Variants in ZSCAN16 observed in about 807,000 individuals in gnomAD.
ZSCAN16 encodes zinc finger and SCAN domain-containing protein 16.
Under a neutral mutation model 19.4 loss-of-function variants are expected in ZSCAN16, and 15 were observed. The observed-to-expected ratio is 0.77, with a 90% CI of 0.52 to 1.19. ZSCAN16 has a LOEUF of 1.19. ZSCAN16 is among the 50% of genes most tolerant of loss of function. The pLI, the probability that ZSCAN16 is intolerant of heterozygous loss-of-function variation, is 0.00. For missense variants in ZSCAN16, 327 were observed against 415.7 expected (o/e 0.79, Z 1.86); for synonymous variants, 138 against 146.5 (o/e 0.94, Z 0.42).
At chr6:28,128,110 G>A (rs960029167) in intron 3 of ZSCAN16, among the ~76,000 whole-genome samples, 4 of 152,076 alleles carry the variant, frequency 2.6e-5, no homozygotes, top group Admixed American at 1.3e-4. Context: ...TAGAAGTGAC[G>A]TTAAGAACCT....
At chr6:28,129,297 T>G in intron 3 of ZSCAN16, 133 bp from the exon 4 acceptor site, 1 of 1,108,908 alleles carries the variant, frequency 9.0e-7, no homozygotes. Flanking sequence ...ACCAAATATT[T>G]GATATGTGTG....
intron 3 of ZSCAN16, among the ~76,000 whole-genome samples, chr6:28,128,018 G>A (rs1764953336): frequency 6.6e-6 from 1 of 152,172 alleles, no homozygotes; most frequent in Non-Finnish European, 1.5e-5. Flanking sequence ...ATCTGGAAAG[G>A]ATGACATTTA....
rs1473700970 is a variant in ZSCAN16, at chr6:28,129,635, T to C, written c.732T>C (p.Ser244=). The change falls in exon 4 of 4, where the codon AGT becomes AGC. Residue 244 remains serine, a synonymous_variant. Coordinates refer to ENST00000340487, the MANE Select transcript of ZSCAN16 (RefSeq NM_025231.3). ...RRYKCDECGK[S]FSHSSDLSKH... ...ATAAATGTGATGAATGTGGGAAAAG[T>C]TTCAGTCATAGCTCAGACCTTAGTA... The C allele has an allele frequency of 2.5e-6, 4 of 1,613,928 alleles. No individual in the cohort carries two copies. Among genetic ancestry groups the C allele is most frequent in the African/African-American group, 2.7e-5 (2 of 74,878 alleles).
rs760023593 is a variant in ZSCAN16 at position 28,126,786 on chromosome 6, C to G, written c.391C>G (p.Pro131Ala). 2.0e-6 allele frequency: 3 copies of G among 1,471,224 alleles called. No individual in the cohort carries two copies. The South Asian group carries it at 4.3e-5, about 21-fold the overall frequency. The allele number at this position is 1,471,224 out of a possible 1,614,324, so 91.1% of individuals were successfully genotyped here. The change falls in exon 3 of 4, where the codon CCA (proline) becomes GCA (alanine). Residue 131 changes from proline (P) to alanine (A), a missense_variant. By Grantham distance (27) the Pro-to-Ala change is conservative (BLOSUM62 -1). Transcript: ENST00000340487. ...RELDEPGKQVPGNSERRDILM... is the reference protein window; with the variant it reads ...RELDEPGKQVAGNSERRDILM... ...TTACACACCTCATTTTCCCTAGGTC[C>G]CAGGCAATTCAGAAAGACGGGACAT...
chr6:28,130,000 T>C lies in ZSCAN16; in HGVS notation c.*50T>C. 3 of 1,416,462 alleles carry C rather than the reference T, an allele frequency of 2.1e-6. No homozygotes were observed. Among genetic ancestry groups the C allele is most frequent in the Non-Finnish European group, 2.9e-6 (3 of 1,050,808 alleles). The allele number at this position is 1,416,462 out of a possible 1,614,324, so 87.7% of individuals were successfully genotyped here. A position where few individuals can be genotyped will look rare whatever the true frequency, so the allele number is the denominator to read the frequency against. On this transcript the variant is annotated 3_prime_UTR_variant, in exon 4 of 4. Transcript: ENST00000340487. ...TTGGACACTCAGGCCTAACTAGTTA[T>C]CAAAGAATCTATTTTAGAAACCTTG...
Position 28,125,276 on chromosome 6 carries a change from C to G in ZSCAN16, c.-31-137C>G, listed in dbSNP as rs1764862752. ...CTATAAGACTGTTTTCTCTGATTGA[C>G]TTCTGGTGGCTTGGCTTCATTATGA... On this transcript the variant is annotated intron_variant, in intron 1 of 3. Coordinates refer to ENST00000340487, the MANE Select transcript of ZSCAN16 (RefSeq NM_025231.3). This position sits in a 1 kb window ranked among gnomAD's most constrained non-coding sequence, Gnocchi z 6.2. The G allele has an allele frequency of 1.0e-6, 1 of 959,694 alleles. No individual in the cohort carries two copies. The highest frequency in any genetic ancestry group is 3.2e-5 in the Admixed American group (1 of 31,646). 59.4% of individuals were successfully genotyped at this position (959,694 alleles called of 1,614,324 possible). A position where few individuals can be genotyped will look rare whatever the true frequency, so the allele number is the denominator to read the frequency against.
chr6:28,125,289 G>T lies in ZSCAN16; in HGVS notation c.-31-124G>T. 1 of 1,115,688 alleles carries T rather than the reference G, an allele frequency of 9.0e-7. No individual in the cohort carries two copies. Among genetic ancestry groups the T allele is most frequent in the Non-Finnish European group, 1.2e-6 (1 of 815,894 alleles). 69.1% of individuals were successfully genotyped at this position (1,115,688 alleles called of 1,614,324 possible). A position where few individuals can be genotyped will look rare whatever the true frequency, so the allele number is the denominator to read the frequency against. ...TTCTCTGATTGACTTCTGGTGGCTT[G>T]GCTTCATTATGATGTGTTTATGTTC... is the stretch of plus-strand genomic sequence containing the variant. On this transcript the variant is annotated intron_variant, in intron 1 of 3. Transcript: ENST00000340487. This position sits in a 1 kb window ranked among gnomAD's most constrained non-coding sequence, Gnocchi z 6.2.
rs1764860509 is a variant in ZSCAN16 at position 28,125,212 on chromosome 6, T to TG, written c.-31-200dup. Among the ~76,000 whole-genome samples, 1 of 144,864 alleles carries TG rather than the reference T, an allele frequency of 6.9e-6. No homozygotes were observed. Among genetic ancestry groups the TG allele is most frequent in the African/African-American group, 2.8e-5 (1 of 36,130 alleles). The stretch of plus-strand genomic sequence containing the variant: ...GATTCAAATCATATCCCTGCGTCAC[T>TG]GTTTTTTGTTTTGTTTTGTTTTGTT... On this transcript the variant is annotated intron_variant, in intron 1 of 3. Transcript: ENST00000340487. The surrounding 1 kb of genome is among the most constrained non-coding windows in gnomAD (Gnocchi z 6.2).
At chr6:28,127,969 T>C (rs905674953) in intron 3 of ZSCAN16, among the ~76,000 whole-genome samples, 1 of 152,174 alleles carries the variant, frequency 6.6e-6, no homozygotes, top group African/African-American at 2.4e-5. Flanking sequence ...ATTTGTCTAA[T>C]CTGAAAAATT....
chr6:28,129,794 T>C lies in ZSCAN16; in HGVS notation c.891T>C (p.Cys297=). 1 of 1,614,114 alleles carries C rather than the reference T, an allele frequency of 6.2e-7. No individual in the cohort carries two copies. Among genetic ancestry groups the C allele is most frequent in the Non-Finnish European group, 8.5e-7 (1 of 1,180,006 alleles). The change falls in exon 4 of 4, where the codon TGT becomes TGC. Residue 297 remains cysteine (C), a synonymous_variant. Coordinates refer to ENST00000340487, the MANE Select transcript of ZSCAN16 (RefSeq NM_025231.3). Reference sequence around the variant, plus strand: ...TAAAACCCTATAAATGTAAAGAATGTGGGAAAGACTTCAGTGGGCGCACAG... The same window carrying C: ...TAAAACCCTATAAATGTAAAGAATGCGGGAAAGACTTCAGTGGGCGCACAG... The part of the protein sequence containing the change: ...TGVKPYKCKE[C]GKDFSGRTGL...
Position 28,129,667 on chromosome 6 carries a change from G to A in ZSCAN16, c.764G>A (p.Arg255Lys). The change falls in exon 4 of 4, where the codon AGG becomes AAG. Residue 255 changes from arginine (R) to lysine (K), a missense_variant. By Grantham distance (26) the Arg-to-Lys change is conservative. Coordinates refer to ENST00000340487, the MANE Select transcript of ZSCAN16 (RefSeq NM_025231.3). ...FSHSSDLSKH[R>K]RTHTGEKPYK... ...CATAGCTCAGACCTTAGTAAACACA[G>A]GAGAACTCACACGGGAGAGAAGCCC... is the stretch of plus-strand genomic sequence containing the variant. 1 of 1,614,172 alleles carries A rather than the reference G, an allele frequency of 6.2e-7. No individual in the cohort carries two copies. Among genetic ancestry groups the A allele is most frequent in the Non-Finnish European group, 8.5e-7 (1 of 1,180,014 alleles).
intron 3 of ZSCAN16, among the ~76,000 whole-genome samples, chr6:28,127,536 C>T (rs531499582): frequency 1.3e-5 from 2 of 152,234 alleles, no homozygotes; most frequent in East Asian, 1.9e-4. Flanking sequence ...AAAGCCCTAT[C>T]GTCATATACA....
Position 28,129,490 on chromosome 6 carries a change from A to G in ZSCAN16, c.587A>G (p.Lys196Arg), listed in dbSNP as rs1393950733. 1.2e-6 allele frequency: 2 copies of G among 1,613,720 alleles called. No individual in the cohort carries two copies. Among genetic ancestry groups the G allele is most frequent in the Non-Finnish European group, 1.7e-6 (2 of 1,179,702 alleles). ...LFQKEDMPKD[K>R]EFLGEINDRL... ...CAGAAGGAAGATATGCCCAAAGACA[A>G]GGAATTCCTTGGGGAGATAAATGAC... Residue 196 changes from lysine to arginine, a missense_variant, in exon 4 of 4, where the codon AAG becomes AGG. By Grantham distance (26) the Lys-to-Arg change is conservative (BLOSUM62 2). Transcript: ENST00000340487.
chr6:28,125,385 T>A lies in ZSCAN16; in HGVS notation c.-31-28T>A, dbSNP rs1764866884. 2 of 1,552,092 alleles carry A rather than the reference T, an allele frequency of 1.3e-6. No homozygotes were observed. Among genetic ancestry groups the A allele is most frequent in the Non-Finnish European group, 8.7e-7 (1 of 1,153,274 alleles). Reference sequence around the variant, plus strand: ...TAGGAGTGTCTCTGAGGCAGGATTCTAAGAGATTCTCTTTGACTCAATCCC... The same window carrying A: ...TAGGAGTGTCTCTGAGGCAGGATTCAAAGAGATTCTCTTTGACTCAATCCC... On this transcript the variant is annotated intron_variant, in intron 1 of 3. Transcript: ENST00000340487. The surrounding 1 kb of genome is among the most constrained non-coding windows in gnomAD (Gnocchi z 6.2).
chr6:28,128,822 A>G (rs1764974402), intron 3 of ZSCAN16, among the ~76,000 whole-genome samples: 1 of 152,082 alleles, frequency 6.6e-6, no homozygotes, highest in Non-Finnish European at 1.5e-5. Flanking sequence ...CTGACTATCC[A>G]TTGTCATTTC....
intron 3 of ZSCAN16, among the ~76,000 whole-genome samples, chr6:28,128,299 T>C (rs927230566): frequency 5.3e-5 from 8 of 152,142 alleles, no homozygotes; most frequent in African/African-American, 1.7e-4. Context: ...TTTTGATTCA[T>C]TCATCTTTCA....
At chr6:28,127,416 C>G (rs1764936787) in intron 3 of ZSCAN16, among the ~76,000 whole-genome samples, 1 of 152,182 alleles carries the variant, frequency 6.6e-6, no homozygotes, top group African/African-American at 2.4e-5. Flanking sequence ...CTTCACATGG[C>G]CTTTCTCTGT....
At chr6:28,129,131 T>C (rs1216231949) in intron 3 of ZSCAN16, among the ~76,000 whole-genome samples, 1 of 152,234 alleles carries the variant, frequency 6.6e-6, no homozygotes, top group Admixed American at 6.5e-5. Flanking sequence ...CGTCTTCCCT[T>C]ACATAGTATT....
Position 28,129,999 on chromosome 6 carries a change from A to G in ZSCAN16, c.*49A>G. ...TTTGGACACTCAGGCCTAACTAGTTATCAAAGAATCTATTTTAGAAACCTT... is the reference window on the plus strand; with the variant it reads ...TTTGGACACTCAGGCCTAACTAGTTGTCAAAGAATCTATTTTAGAAACCTT... On this transcript the variant is annotated 3_prime_UTR_variant, in exon 4 of 4. Transcript: ENST00000340487. 7.1e-7 allele frequency: 1 copy of G among 1,416,604 alleles called. No homozygotes were observed. The highest frequency in any genetic ancestry group is 9.5e-7 in the Non-Finnish European group (1 of 1,050,772). The allele number at this position is 1,416,604 out of a possible 1,614,324, so 87.8% of individuals were successfully genotyped here.
Sources: gnomAD v4.1 joint callset for allele counts (sites outside exome capture counted in the v4.1 genomes callset) on GRCh38, gnomAD v4.1.1 for gene constraint, Gnocchi (gnomAD v3.1) non-coding constraint, MANE v1.5 for transcripts, NCBI Gene and HGNC (gene_info 2026-07-23, HGNC 2026-07-21) for gene names.